Variants in SLCO2A1 observed in about 807,000 individuals in gnomAD.
SLCO2A1 encodes the protein matrin F/G 1.
SLCO2A1 carries 60 observed loss-of-function variants against 71.7 expected under a neutral mutation model. That is an observed-to-expected ratio of 0.84 (90% CI 0.68 to 1.04). SLCO2A1 has a LOEUF of 1.04. SLCO2A1 is among the 50% of genes least tolerant of loss of function. The probability of loss-of-function intolerance (pLI) is 0.00; values close to 1 mark genes in which losing one functional copy is unlikely to be tolerated. For missense variants in SLCO2A1, 745 were observed against 813.4 expected, an observed-to-expected ratio of 0.92 and a Z score of 1.02; for synonymous variants, 308 against 326.7, an observed-to-expected ratio of 0.94 and a Z score of 0.62.
rs564297100 is a variant in SLCO2A1 at position 133,997,763 on chromosome 3, G to A, written c.97-18145C>T. Among the ~76,000 whole-genome samples the A allele has an allele frequency of 8.5e-5, 13 of 152,312 alleles. No individual in the cohort carries two copies. The East Asian group carries it at 1.5e-3, about 18-fold the overall frequency. On this transcript the variant is annotated intron_variant, in intron 1 of 13. Coordinates refer to ENST00000310926, the MANE Select transcript of SLCO2A1 (RefSeq NM_005630.3). ...TGGCAGCTCTAAGAAATGAATACCC[G>A]GGCCAGAGGTTTGGCCTGAAGGCAA...
At chr3:133,952,882 G>A (rs56121217) in intron 5 of SLCO2A1, among the ~76,000 whole-genome samples, 10,469 of 152,138 alleles carry the variant, frequency 0.069, 1,174 homozygotes, top group African/African-American at 0.24. Context: ...AGGCAGTCCC[G>A]TCCCAGCGCC....
intron 1 of SLCO2A1, among the ~76,000 whole-genome samples, chr3:134,017,080 A>C (rs928758311): frequency 3.3e-5 from 5 of 152,216 alleles, no homozygotes; most frequent in African/African-American, 1.2e-4. Flanking sequence ...TCAGCACAGG[A>C]GAAATCCTCG....
chr3:134,028,448 G>T (rs1007752371), intron 1 of SLCO2A1, among the ~76,000 whole-genome samples: 2 of 152,196 alleles, frequency 1.3e-5, no homozygotes, highest in Non-Finnish European at 2.9e-5. Context: ...CAAAATTTCT[G>T]TTGCTTATCC....
chr3:133,969,172 C>T (rs973505296), intron 3 of SLCO2A1, among the ~76,000 whole-genome samples: 3 of 152,174 alleles, frequency 2.0e-5, no homozygotes, highest in Non-Finnish European at 2.9e-5. Context: ...TGGCTCATGC[C>T]TATAATCCCA....
chr3:134,010,892 TGAG>T lies in SLCO2A1; in HGVS notation c.96+18812_96+18814del, dbSNP rs1935326385. Among the ~76,000 whole-genome samples the T allele has an allele frequency of 2.0e-5, 3 of 152,102 alleles. No individual in the cohort carries two copies. The South Asian group carries it at 6.2e-4, about 32-fold the overall frequency. ...GACATGTGGGGCTTACAATTCATGA[TGAG>T]ATCTGGGTGGGGACACAGAGTCAAA... is the stretch of plus-strand genomic sequence containing the variant. On this transcript the variant is annotated intron_variant, in intron 1 of 13. Coordinates refer to ENST00000310926, the MANE Select transcript of SLCO2A1 (RefSeq NM_005630.3).
intron 1 of SLCO2A1, among the ~76,000 whole-genome samples, chr3:134,022,105 T>C (rs1474490062): frequency 6.6e-6 from 1 of 150,936 alleles, no homozygotes; most frequent in Admixed American, 6.6e-5. Context: ...GCGGAATTTA[T>C]GTAAAAAGAG....
intron 1 of SLCO2A1, among the ~76,000 whole-genome samples, chr3:133,980,316 C>G (rs1354641830): frequency 6.6e-6 from 1 of 152,166 alleles, no homozygotes; most frequent in African/African-American, 2.4e-5. Flanking sequence ...GGGAAGGGGC[C>G]AAGGCCATTT....
chr3:134,012,646 A>G (rs1935366296), intron 1 of SLCO2A1, among the ~76,000 whole-genome samples: 1 of 152,244 alleles, frequency 6.6e-6, no homozygotes, highest in East Asian at 1.9e-4. Flanking sequence ...AATCATGGCC[A>G]GTAATGAAGG....
At chr3:133,941,548 G>C (rs528333016) in intron 11 of SLCO2A1, among the ~76,000 whole-genome samples, 6 of 151,970 alleles carry the variant, frequency 3.9e-5, no homozygotes, top group African/African-American at 7.2e-5. Flanking sequence ...ACAGGAGGGA[G>C]GGCAGTGGGG....
chr3:133,940,156 C>T (rs1471796742), intron 11 of SLCO2A1, among the ~76,000 whole-genome samples: 2 of 152,062 alleles, frequency 1.3e-5, no homozygotes, highest in African/African-American at 4.8e-5. Flanking sequence ...TTAGTAGAGA[C>T]AAGGTTTCGC....
intron 1 of SLCO2A1, among the ~76,000 whole-genome samples, chr3:133,994,465 G>A (rs1934920064): frequency 6.6e-6 from 1 of 152,194 alleles, no homozygotes; most frequent in African/African-American, 2.4e-5. Flanking sequence ...CTTCTGCAGG[G>A]TTCCCCTTGC....
At chr3:133,961,921 C>A (rs1934045782) in intron 3 of SLCO2A1, among the ~76,000 whole-genome samples, 1 of 152,134 alleles carries the variant, frequency 6.6e-6, no homozygotes, top group Admixed American at 6.5e-5. Flanking sequence ...AGCTGTGGCC[C>A]ACTAACAGAA....
chr3:133,973,856 C>T (rs1204293804), intron 2 of SLCO2A1, 31 bp from the exon 3 acceptor site: 2 of 1,597,860 alleles, frequency 1.3e-6, no homozygotes, highest in African/African-American at 1.3e-5. Flanking sequence ...CTGAGTGAGA[C>T]AAGAGGCCCT....
intron 1 of SLCO2A1, among the ~76,000 whole-genome samples, chr3:134,020,291 C>T (rs4311210): frequency 0.78 from 119,082 of 152,078 alleles, 46,857 homozygotes; most frequent in East Asian, 0.99. Flanking sequence ...CTTCCTTCTT[C>T]AACTCGGTGT....
chr3:133,983,296 T>A (rs926905462), intron 1 of SLCO2A1, among the ~76,000 whole-genome samples: 36 of 152,260 alleles, frequency 2.4e-4, no homozygotes, highest in African/African-American at 8.7e-4. Context: ...CACGGATAAC[T>A]CGGTTCAGAT....
intron 1 of SLCO2A1, among the ~76,000 whole-genome samples, chr3:134,027,842 TC>T (rs1485002712): frequency 3.9e-5 from 6 of 152,238 alleles, no homozygotes; most frequent in African/African-American, 1.4e-4. Flanking sequence ...CTATCCAACC[TC>T]GTACCTGGTT....
intron 3 of SLCO2A1, among the ~76,000 whole-genome samples, chr3:133,965,694 G>A (rs1388911226): frequency 2.0e-5 from 3 of 152,164 alleles, no homozygotes; most frequent in African/African-American, 7.2e-5. Flanking sequence ...CAGCCTGTGA[G>A]GAGGACCCTC....
At position 134,005,481 on chromosome 3, in the gene SLCO2A1, A is replaced by ATTTT. The variant is rs35386403; in HGVS notation, c.96+24222_96+24225dup. ...GAGTAGTCCATTTTCATGTGTTATA[A>ATTTT]TTTTTTTTTTTTTTTTTTTAGACGG... On this transcript the variant is annotated intron_variant, in intron 1 of 13. Transcript: ENST00000310926. Among the ~76,000 whole-genome samples, 1,194 of 133,884 alleles carry ATTTT rather than the reference A, an allele frequency of 8.9e-3. 38 individuals carry two copies. Among genetic ancestry groups the ATTTT allele is most frequent in the African/African-American group, 0.031 (1,117 of 35,758 alleles). 87.8% of individuals were successfully genotyped at this position (133,884 alleles called of 152,430 possible).
intron 2 of SLCO2A1, among the ~76,000 whole-genome samples, chr3:133,975,530 A>G (rs1203172311): frequency 6.6e-6 from 1 of 152,100 alleles, no homozygotes; most frequent in East Asian, 1.9e-4. Flanking sequence ...CTGAACTATC[A>G]GACCATGTTC....
Sources: gnomAD v4.1 joint callset for allele counts (sites outside exome capture counted in the v4.1 genomes callset) on GRCh38, gnomAD v4.1.1 for gene constraint, MANE v1.5 for transcripts, NCBI Gene and HGNC (gene_info 2026-07-23, HGNC 2026-07-21) for gene names.